The following FAAP100 variants were observed in gnomAD, a reference collection of about 807,000 sequenced individuals.
FAAP100 encodes Fanconi anemia core complex-associated protein 100.
Under a neutral mutation model 65.8 loss-of-function variants are expected in FAAP100, and 46 were observed. The ratio of observed to expected loss-of-function variants is 0.70; its 90% CI spans 0.55 to 0.89. The LOEUF (loss-of-function observed/expected upper bound fraction) is 0.89, where lower values mean the gene tolerates loss of function less well. Among genes scored for constraint, FAAP100 ranks in the 40% least tolerant of loss-of-function variants. The probability of loss-of-function intolerance (pLI) is 0.00; values close to 1 mark genes in which losing one functional copy is unlikely to be tolerated. For missense variants in FAAP100, 1,165 were observed against 1,196.7 expected (o/e 0.97, Z 0.39); for synonymous variants, 663 against 555.1 (o/e 1.19, Z -2.73).
In FAAP100 at chr17:81,546,296, G is replaced by A. The variant is rs570137574; in HGVS notation, c.2174-414C>T. On this transcript the variant is annotated intron_variant, in intron 5 of 8. Transcript: ENST00000327787. The stretch of plus-strand genomic sequence containing the variant: ...TCCAAATACCCATCTGCAGCAGAAC[G>A]GTGACATCTGCACCTGCGACACAGA... 8.1e-5 allele frequency: 15 copies of A among 185,370 alleles called. No individual in the cohort carries two copies. In the South Asian group the frequency reaches 8.6e-4, roughly 11 times the overall value. The allele number at this position is 185,370 out of a possible 1,614,324, so 11.5% of individuals were successfully genotyped here.
intron 7 of FAAP100, among the ~76,000 whole-genome samples, chr17:81,543,336 C>T (rs571415267): frequency 1.2e-3 from 176 of 152,312 alleles, no homozygotes; most frequent in Non-Finnish European, 2.0e-3. Flanking sequence ...AAAGAAACTC[C>T]GGAACCGGTT....
chr17:81,552,375 G>T (rs1598602755), upstream of FAAP100: 2 of 1,308,252 alleles, frequency 1.5e-6, no homozygotes, highest in South Asian at 2.4e-5. Flanking sequence ...GCCGCGCGGC[G>T]GCGGCTCCGC....
chr17:81,542,739 T>C (rs1406238528), intron 7 of FAAP100, among the ~76,000 whole-genome samples: 2 of 152,166 alleles, frequency 1.3e-5, no homozygotes, highest in Non-Finnish European at 2.9e-5. Context: ...ATGGGGTATC[T>C]GCAGATGATC....
Position 81,540,646 on chromosome 17 carries a change from G to T in FAAP100, c.*173C>A. The T allele has an allele frequency of 1.1e-6, 1 of 886,690 alleles. No individual in the cohort carries two copies. The highest frequency in any genetic ancestry group is 1.6e-6 in the Non-Finnish European group (1 of 634,624). The allele number at this position is 886,690 out of a possible 1,614,324, so 54.9% of individuals were successfully genotyped here. A position where few individuals can be genotyped will look rare whatever the true frequency, so the allele number is the denominator to read the frequency against. Reference sequence around the variant, plus strand: ...GTTGCTCCCAATCAGAATCTGCTTTGTGCTCCACGGCCTCCAAGCACTTTC... The same window carrying T: ...GTTGCTCCCAATCAGAATCTGCTTTTTGCTCCACGGCCTCCAAGCACTTTC... On this transcript the variant is annotated 3_prime_UTR_variant, in exon 9 of 9. Coordinates refer to ENST00000327787, the MANE Select transcript of FAAP100 (RefSeq NM_025161.6).
In FAAP100 at chr17:81,540,803, G is replaced by A; in HGVS notation, c.*16C>T. On this transcript the variant is annotated 3_prime_UTR_variant, in exon 9 of 9. Coordinates refer to ENST00000327787, the MANE Select transcript of FAAP100 (RefSeq NM_025161.6). ...GGCTGGAAGCGTGGCCAGAGCCCAG[G>A]GGCAGGCCCGCCTGGTCACAGCAGG... 6.6e-7 allele frequency: 1 copy of A among 1,505,864 alleles called. No individual in the cohort carries two copies. Among genetic ancestry groups the A allele is most frequent in the Non-Finnish European group, 8.9e-7 (1 of 1,126,030 alleles). The allele number at this position is 1,505,864 out of a possible 1,614,324, so 93.3% of individuals were successfully genotyped here. A position where few individuals can be genotyped will look rare whatever the true frequency, so the allele number is the denominator to read the frequency against.
Position 81,540,686 on chromosome 17 carries a change from C to T in FAAP100, c.*133G>A. ...CAAGCACTTTCATGAGCGTTCTGCT[C>T]CTACGTGGCCAGGTCCTACCTTCCC... is the stretch of plus-strand genomic sequence containing the variant. On this transcript the variant is annotated 3_prime_UTR_variant, in exon 9 of 9. Coordinates refer to ENST00000327787, the MANE Select transcript of FAAP100 (RefSeq NM_025161.6). The T allele has an allele frequency of 3.3e-6, 4 of 1,206,496 alleles. No homozygotes were observed. The South Asian group carries it at 5.5e-5, about 17-fold the overall frequency. 74.7% of individuals were successfully genotyped at this position (1,206,496 alleles called of 1,614,324 possible).
In FAAP100 at chr17:81,540,746, T is replaced by C. The variant is rs1248753213; in HGVS notation, c.*73A>G. The C allele has an allele frequency of 2.8e-6, 4 of 1,431,318 alleles. No individual in the cohort carries two copies. The highest frequency in any genetic ancestry group is 2.7e-5 in the Admixed American group (1 of 36,606). The allele number at this position is 1,431,318 out of a possible 1,614,324, so 88.7% of individuals were successfully genotyped here. On this transcript the variant is annotated 3_prime_UTR_variant, in exon 9 of 9. Coordinates refer to ENST00000327787, the MANE Select transcript of FAAP100 (RefSeq NM_025161.6). ...TGGCCAGGCCAGCTCGGTTTCCCTC[T>C]AACCCATGAGGCCTGGGGGGGCTGT...
At position 81,541,206 on chromosome 17, in the gene FAAP100, G is replaced by T. The variant is rs376222537; in HGVS notation, c.2514+103C>A. The T allele has an allele frequency of 6.1e-6, 8 of 1,316,298 alleles. No homozygotes were observed. The East Asian group carries it at 1.4e-4, about 24-fold the overall frequency. The allele number at this position is 1,316,298 out of a possible 1,614,324, so 81.5% of individuals were successfully genotyped here. A position where few individuals can be genotyped will look rare whatever the true frequency, so the allele number is the denominator to read the frequency against. ...AGGCCCATGGGAGCGAAGCCCATGC[G>T]CTGTGAGGACTCTGCGGACCCCGAG... On this transcript the variant is annotated intron_variant, in intron 8 of 8. Transcript: ENST00000327787.
chr17:81,540,713 G>C lies in FAAP100; in HGVS notation c.*106C>G. ...TACGTGGCCAGGTCCTACCTTCCCTGACGGCTCTGGCCAGGCCAGCTCGGT... is the reference window on the plus strand; with the variant it reads ...TACGTGGCCAGGTCCTACCTTCCCTCACGGCTCTGGCCAGGCCAGCTCGGT... On this transcript the variant is annotated 3_prime_UTR_variant, in exon 9 of 9. Transcript: ENST00000327787. The C allele has an allele frequency of 7.3e-7, 1 of 1,361,892 alleles. No individual in the cohort carries two copies. The allele number at this position is 1,361,892 out of a possible 1,614,324, so 84.4% of individuals were successfully genotyped here. A position where few individuals can be genotyped will look rare whatever the true frequency, so the allele number is the denominator to read the frequency against.
intron 4 of FAAP100, among the ~76,000 whole-genome samples, chr17:81,548,992 A>T (rs1295295490): frequency 6.9e-6 from 1 of 144,128 alleles, no homozygotes; most frequent in East Asian, 2.1e-4. Flanking sequence ...GTGAGCCGAG[A>T]TCACACCACT....
Position 81,547,409 on chromosome 17 carries a change from G to A in FAAP100, c.1673C>T (p.Ser558Leu), listed in dbSNP as rs143230538. The A allele has an allele frequency of 4.0e-4, 640 of 1,612,750 alleles. No individual in the cohort carries two copies. Among genetic ancestry groups the A allele is most frequent in the Non-Finnish European group, 4.9e-4 (580 of 1,180,028 alleles). The stretch of plus-strand genomic sequence containing the variant: ...GGTGTAGGTGATGGCGGAGCAGGCC[G>A]AGTCCAGGTCGAGAGCACAGGAGCT... The part of the protein sequence containing the change: ...LTSSCALDLD[S>L]ACSAITYTIP... The change falls in exon 5 of 9, where the codon TCG becomes TTG. Residue 558 changes from serine (S) to leucine (L), a missense_variant. Transcript: ENST00000327787.
At chr17:81,541,428 G>GTGCCCCAGCACC (rs1278007699) in intron 7 of FAAP100, 33 bp from the exon 8 acceptor site, 10 of 1,554,982 alleles carry the variant, frequency 6.4e-6, no homozygotes, top group South Asian at 2.2e-5. Context: ...TGGAGAGGGT[G>GTGCCCCAGCACC]TGCCCCAGCA....
In FAAP100 at chr17:81,552,248, A is replaced by G; in HGVS notation, c.83T>C (p.Val28Ala). ...LGGLAAGKPRVLCHEAEVFLS... is the reference protein window; with the variant it reads ...LGGLAAGKPRALCHEAEVFLS... ...GAAGACCTCTGCCTCATGGCACAGC[A>G]CGCGGGGCTTGCCCGCCGCCAGGCC... Residue 28 changes from valine (V) to alanine (A), a missense_variant, in exon 1 of 9, where the codon GTG becomes GCG. By Grantham distance (64) the Val-to-Ala change is moderately conservative. Coordinates refer to ENST00000327787, the MANE Select transcript of FAAP100 (RefSeq NM_025161.6). 1 of 1,484,036 alleles carries G rather than the reference A, an allele frequency of 6.7e-7. No homozygotes were observed. Among genetic ancestry groups the G allele is most frequent in the South Asian group, 1.3e-5 (1 of 78,666 alleles). 91.9% of individuals were successfully genotyped at this position (1,484,036 alleles called of 1,614,324 possible).
chr17:81,541,216 C>A, intron 8 of FAAP100, 93 bp downstream of exon 8: 1 of 1,384,994 alleles, frequency 7.2e-7, no homozygotes, highest in Non-Finnish European at 1.0e-6. Flanking sequence ...GCTGTGAGGA[C>A]TCTGCGGACC....
In FAAP100 at chr17:81,550,283, A is replaced by T. The variant is rs2033442093; in HGVS notation, c.1211T>A (p.Val404Asp). 2 of 1,610,368 alleles carry T rather than the reference A, an allele frequency of 1.2e-6. No homozygotes were observed. The highest frequency in any genetic ancestry group is 2.7e-5 in the African/African-American group (2 of 74,818). ...CCTGGGAGACGCGGACAGCGAGACG[A>T]CACTGCAGATGTTCAGGCTGGCTGG... ...LCPASLNICS[V>D]VSLSASPRTH... The change falls in exon 3 of 9, where the codon GTC (valine) becomes GAC (aspartate). Residue 404 changes from valine (V) to aspartate (D), a missense_variant. By Grantham distance (152) the Val-to-Asp change is radical. Coordinates refer to ENST00000327787, the MANE Select transcript of FAAP100 (RefSeq NM_025161.6).
chr17:81,547,710 G>C, intron 4 of FAAP100, 32 bp from the exon 5 acceptor site: 1 of 1,602,142 alleles, frequency 6.2e-7, no homozygotes, highest in African/African-American at 1.3e-5. Flanking sequence ...CCCGGGAGCG[G>C]GGGGACACCC....
chr17:81,546,824 A>T (rs2033317561), intron 5 of FAAP100, 85 bp downstream of exon 5: 1 of 1,298,598 alleles, frequency 7.7e-7, no homozygotes, highest in African/African-American at 1.5e-5. Context: ...ACTGCACTCC[A>T]GCCTGGGCAA....
At chr17:81,544,198 C>T in intron 6 of FAAP100, 78 bp from the exon 7 acceptor site, 1 of 1,204,072 alleles carries the variant, frequency 8.3e-7, no homozygotes, top group Non-Finnish European at 1.2e-6. Flanking sequence ...ACAGGAGCCT[C>T]CCCAGCTGGC....
At chr17:81,541,000 G>A in intron 8 of FAAP100, 50 bp from the exon 9 acceptor site, 2 of 1,516,696 alleles carry the variant, frequency 1.3e-6, no homozygotes, top group South Asian at 1.3e-5. Flanking sequence ...CCCTGGGGAT[G>A]TCACTGGGTA....
Sources: gnomAD v4.1 joint callset for allele counts (sites outside exome capture counted in the v4.1 genomes callset) on GRCh38, gnomAD v4.1.1 for gene constraint, MANE v1.5 for transcripts, NCBI Gene and HGNC (gene_info 2026-07-23, HGNC 2026-07-21) for gene names.